The following BAIAP3 variants were observed in gnomAD, a reference collection of about 807,000 sequenced individuals.
BAIAP3 encodes the protein BAI1 associated protein 3.
BAIAP3 carries 180 observed loss-of-function variants against 149.7 expected under a neutral mutation model. The observed-to-expected ratio is 1.20, with a 90% CI of 1.07 to 1.36. BAIAP3 has a LOEUF of 1.36. BAIAP3 is among the 40% of genes most tolerant of loss of function. The pLI, the probability that BAIAP3 is intolerant of heterozygous loss-of-function variation, is 0.00. For synonymous variants in BAIAP3, 845 were observed against 670.7 expected (o/e 1.26, Z -4.02); for missense variants, 1,767 against 1,563.4 (o/e 1.13, Z -2.20).
chr16:1,349,248 C>T lies in BAIAP3; in HGVS notation c.*766C>T. The T allele has an allele frequency of 1.5e-6, 1 of 687,580 alleles. No homozygotes were observed. The highest frequency in any genetic ancestry group is 2.6e-6 in the Non-Finnish European group (1 of 391,094). The allele number at this position is 687,580 out of a possible 1,614,324, so 42.6% of individuals were successfully genotyped here. On this transcript the variant is annotated 3_prime_UTR_variant, in exon 34 of 34. Coordinates refer to ENST00000426824, the MANE Select transcript of BAIAP3 (RefSeq NM_001199097.2). ...ACAGACTCACAAGGGGCTTCTTGGC[C>T]TGCAGCTTCATTTGCGAGAGCGCCG...
Position 1,346,621 on chromosome 16 carries a change from T to C in BAIAP3, c.2579T>C (p.Met860Thr). 1 of 1,544,970 alleles carries C rather than the reference T, an allele frequency of 6.5e-7. No homozygotes were observed. Among genetic ancestry groups the C allele is most frequent in the Non-Finnish European group, 8.7e-7 (1 of 1,148,354 alleles). The stretch of plus-strand genomic sequence containing the variant: ...TGCCCGCAGGCCGTGGCCCCGCTCA[T>C]GAAGTACCTGGATGAGAAGCTGGCC... ...IQNDEAVAPL[M>T]KYLDEKLALL... Residue 860 changes from methionine to threonine, a missense_variant, in exon 27 of 34, where the codon ATG (methionine) becomes ACG (threonine). Coordinates refer to ENST00000426824, the MANE Select transcript of BAIAP3 (RefSeq NM_001199097.2).
In BAIAP3 at chr16:1,342,967, T is replaced by A. The variant is rs1286532071; in HGVS notation, c.1216T>A (p.Cys406Ser). 3.1e-6 allele frequency: 5 copies of A among 1,611,244 alleles called. No individual in the cohort carries two copies. The highest frequency in any genetic ancestry group is 1.7e-5 in the Admixed American group (1 of 59,994). ...ELSTPAATIL[C>S]LHGAQSNLSP... ...CAGCACACCAGCCGCCACCATCCTC[T>A]GCCTGCACGGAGCCCAGAGCAACCT... is the stretch of plus-strand genomic sequence containing the variant. The change falls in exon 14 of 34, where the codon TGC becomes AGC. Residue 406 changes from cysteine (C) to serine (S), a missense_variant. Cys to Ser is a moderately radical substitution (Grantham distance 112, BLOSUM62 -1). Coordinates refer to ENST00000426824, the MANE Select transcript of BAIAP3 (RefSeq NM_001199097.2).
Position 1,341,417 on chromosome 16 carries a change from C to T in BAIAP3, c.659C>T (p.Pro220Leu). The T allele has an allele frequency of 3.1e-6, 5 of 1,612,708 alleles. No individual in the cohort carries two copies. In the Middle Eastern group the frequency reaches 8.3e-4, roughly 267 times the overall value. ...RKGSKRGGPL[P>L]AKCIQVTEVK... ...GGCAGCAAGCGCGGTGGACCCCTGC[C>T]TGCCAAGTGCATCCAGGTCACCGAG... Residue 220 changes from proline (P) to leucine (L), a missense_variant, in exon 8 of 34, where the codon CCT becomes CTT. By Grantham distance (98) the Pro-to-Leu change is moderately conservative (BLOSUM62 -3). Transcript: ENST00000426824.
At position 1,341,846 on chromosome 16, in the gene BAIAP3, C is replaced by A; in HGVS notation, c.756C>A (p.Asp252Glu). The change falls in exon 9 of 34, where the codon GAC (aspartate) becomes GAA (glutamate). Residue 252 changes from aspartate to glutamate, a missense_variant. Coordinates refer to ENST00000426824, the MANE Select transcript of BAIAP3 (RefSeq NM_001199097.2). ...FLFEIEDVST[D>E]QLHLDIWDHD... ...GCGAGATTGAGGATGTGAGCACGGA[C>A]CAGCTGCACCTGGACATCTGGTACA... 6.2e-7 allele frequency: 1 copy of A among 1,612,436 alleles called. No individual in the cohort carries two copies. Among genetic ancestry groups the A allele is most frequent in the Non-Finnish European group, 8.5e-7 (1 of 1,179,780 alleles).
At chr16:1,336,123 G>T in intron 1 of BAIAP3, 1 of 771,758 alleles carries the variant, frequency 1.3e-6, no homozygotes, top group Non-Finnish European at 1.6e-6. Flanking sequence ...CCAGGACTGC[G>T]AGCCCCCATC....
intron 22 of BAIAP3, 23 bp from the exon 23 acceptor site, chr16:1,345,724 C>A: frequency 7.9e-7 from 1 of 1,268,680 alleles, no homozygotes; most frequent in East Asian, 5.1e-5. Flanking sequence ...CCCCAGCAAA[C>A]CCAGCCTCCC....
rs766072333 is a variant in BAIAP3 at position 1,349,419 on chromosome 16, T to C, written c.*937T>C. 4 of 1,613,548 alleles carry C rather than the reference T, an allele frequency of 2.5e-6. No homozygotes were observed. The highest frequency in any genetic ancestry group is 3.3e-5 in the Admixed American group (2 of 59,990). ...TTTTCTCGTCACCCAGCCTCAAAAA[T>C]ATATGTGTCTGCAACCCTCAGTCTC... On this transcript the variant is annotated 3_prime_UTR_variant, in exon 34 of 34. Transcript: ENST00000426824.
chr16:1,346,419 C>G, intron 25 of BAIAP3, 23 bp from the exon 26 acceptor site: 2 of 1,612,206 alleles, frequency 1.2e-6, no homozygotes, highest in Non-Finnish European at 1.7e-6. Flanking sequence ...CCTGCCCGTG[C>G]TGAGCACTGC....
chr16:1,344,757 G>T, intron 19 of BAIAP3, 41 bp from the exon 20 acceptor site: 1 of 1,613,210 alleles, frequency 6.2e-7, no homozygotes, highest in Non-Finnish European at 8.5e-7. Context: ...AGGGCCTGCA[G>T]GTGGGGCGCA....
At chr16:1,340,405 T>C (rs13334032) in intron 5 of BAIAP3, among the ~76,000 whole-genome samples, 6,550 of 51,284 alleles carry the variant, frequency 0.13, 1,950 homozygotes, top group Admixed American at 0.27. Flanking sequence ...TGCACACAGA[T>C]GCACGCACAT....
In BAIAP3 at chr16:1,345,232, C is replaced by T. The variant is rs971821905; in HGVS notation, c.1941-17C>T. On this transcript the variant is annotated splice_polypyrimidine_tract_variant and intron_variant, in intron 21 of 33. Transcript: ENST00000426824. ...TGTCTGAGTCAGGGCCGAGCCCTCA[C>T]AACCCTCCCACCACAGGGACAGCCG... 3.1e-6 allele frequency: 5 copies of T among 1,612,168 alleles called. No homozygotes were observed. The highest frequency in any genetic ancestry group is 4.2e-6 in the Non-Finnish European group (5 of 1,179,456).
chr16:1,349,300 T>G lies in BAIAP3; in HGVS notation c.*818T>G, dbSNP rs891355518. 11 of 956,750 alleles carry G rather than the reference T, an allele frequency of 1.1e-5. No homozygotes were observed. The highest frequency in any genetic ancestry group is 1.8e-5 in the Non-Finnish European group (11 of 595,204). 59.3% of individuals were successfully genotyped at this position (956,750 alleles called of 1,614,324 possible). Reference sequence around the variant, plus strand: ...GGCAGGACACAGAGCACAGCTGTGCTGGAAGTGTGGGGAGAACCCGGACAG... The same window carrying G: ...GGCAGGACACAGAGCACAGCTGTGCGGGAAGTGTGGGGAGAACCCGGACAG... On this transcript the variant is annotated 3_prime_UTR_variant, in exon 34 of 34. Transcript: ENST00000426824.
chr16:1,334,750 G>C, intron 1 of BAIAP3: 1 of 1,551,824 alleles, frequency 6.4e-7, no homozygotes, highest in South Asian at 1.2e-5. Context: ...GCCATCTGGA[G>C]GAGTCGGTGA....
At position 1,344,260 on chromosome 16, in the gene BAIAP3, C is replaced by T; in HGVS notation, c.1545C>T (p.Ser515=). The change falls in exon 17 of 34, where the codon TCC becomes TCT. Residue 515 remains serine, a synonymous_variant. Coordinates refer to ENST00000426824, the MANE Select transcript of BAIAP3 (RefSeq NM_001199097.2). ...GCAAGCTGCAGCTCTTCCAACCCTC[C>T]TTTGAGATCTGCCCCTTCGAGTCGG... ...CLGKLQLFQP[S]FEICPFESEL... 1 of 1,613,756 alleles carries T rather than the reference C, an allele frequency of 6.2e-7. No individual in the cohort carries two copies. The highest frequency in any genetic ancestry group is 8.5e-7 in the Non-Finnish European group (1 of 1,179,946).
chr16:1,341,914 C>T (rs757305163), intron 9 of BAIAP3, 48 bp downstream of exon 9: 18 of 1,598,478 alleles, frequency 1.1e-5, no homozygotes, highest in South Asian at 4.5e-5. Context: ...ACACCTTTTG[C>T]GGGGGAGCAG....
intron 1 of BAIAP3, chr16:1,336,303 G>T (rs535799217): frequency 1.3e-5 from 13 of 985,278 alleles, no homozygotes; most frequent in Non-Finnish European, 1.6e-5. Context: ...TGGCTGTGGG[G>T]GTGACAGCTT....
rs1029552489 is a variant in BAIAP3, at chr16:1,343,594, G to A, written c.1386+81G>A. On this transcript the variant is annotated intron_variant, in intron 15 of 33. Transcript: ENST00000426824. ...GGGTCGCTCAGTGCCGGTCGGCGAG[G>A]GGCAGAGTCCTGCCCGCGTGGGGGT... 15 of 1,552,826 alleles carry A rather than the reference G, an allele frequency of 9.7e-6. No homozygotes were observed. The African/African-American group carries it at 1.8e-4, about 18-fold the overall frequency.
Position 1,346,970 on chromosome 16 carries a change from A to G in BAIAP3, c.2751+15A>G, listed in dbSNP as rs745441004. 1.9e-6 allele frequency: 3 copies of G among 1,586,138 alleles called. No homozygotes were observed. The highest frequency in any genetic ancestry group is 2.3e-5 in the East Asian group (1 of 44,104). ...TCACGCTGGAGGTAGAGCTCTGTGA[A>G]GGAGTCCTCCCCGCCGGCCCCCGCC... On this transcript the variant is annotated intron_variant, in intron 28 of 33. Transcript: ENST00000426824.
At chr16:1,344,872 G>C in intron 20 of BAIAP3, 23 bp downstream of exon 20, 9 of 1,613,672 alleles carry the variant, frequency 5.6e-6, no homozygotes, top group Non-Finnish European at 7.6e-6. Flanking sequence ...CCTGACCCCG[G>C]GTGCCTGCCA....
Sources: allele counts gnomAD v4.1 joint callset (sites outside exome capture counted in the v4.1 genomes callset), GRCh38; gene constraint gnomAD v4.1.1; transcripts MANE v1.5; gene names NCBI Gene and HGNC (gene_info 2026-07-23, HGNC 2026-07-21).